FAM76A: variants seen among roughly 807,000 people sequenced by gnomAD.
The protein encoded by FAM76A is protein FAM76A.
A neutral mutation model predicts 46.2 loss-of-function variants in FAM76A; 32 were observed. The observed-to-expected ratio is 0.69, with a 90% CI of 0.52 to 0.93. The LOEUF is 0.93. Among genes scored for constraint, FAM76A ranks in the 40% least tolerant of loss-of-function variants. The pLI, the probability that FAM76A is intolerant of heterozygous loss-of-function variation, is 0.00. For synonymous variants in FAM76A, 137 were observed against 127.0 expected (o/e 1.08, Z -0.53); for missense variants, 274 against 361.5 (o/e 0.76, Z 1.96).
At chr1:27,736,761 T>A (rs2088052620) in intron 4 of FAM76A, among the ~76,000 whole-genome samples, 1 of 151,278 alleles carries the variant, frequency 6.6e-6, no homozygotes, top group African/African-American at 2.4e-5. Context: ...CTAATTTTTT[T>A]ATTTTTTTAT....
intron 7 of FAM76A, among the ~76,000 whole-genome samples, chr1:27,758,695 T>G (rs1378837410): frequency 1.7e-4 from 26 of 151,010 alleles, no homozygotes; most frequent in Admixed American, 1.5e-3. Flanking sequence ...TTTTTTTTTT[T>G]TTTTGTAGAC....
intron 6 of FAM76A, among the ~76,000 whole-genome samples, chr1:27,751,535 C>T: frequency 6.7e-6 from 1 of 149,116 alleles, no homozygotes; most frequent in East Asian, 2.0e-4. Context: ...GACAGGGTCT[C>T]ACCCTGTTGC....
chr1:27,759,281 A>G (rs547969269), intron 7 of FAM76A, among the ~76,000 whole-genome samples: 6 of 152,308 alleles, frequency 3.9e-5, no homozygotes, highest in African/African-American at 1.4e-4. Flanking sequence ...CAACATAGTA[A>G]AAGTTCAGTA....
intron 1 of FAM76A, 86 bp downstream of exon 1, chr1:27,726,247 G>A (rs2087856594): frequency 2.6e-6 from 3 of 1,163,026 alleles, no homozygotes; most frequent in Non-Finnish European, 3.2e-6. Context: ...GCCCGGCGGG[G>A]TCCCCGGAGC....
intron 5 of FAM76A, among the ~76,000 whole-genome samples, chr1:27,748,800 A>G (rs954044726): frequency 6.6e-6 from 1 of 151,982 alleles, no homozygotes; most frequent in Non-Finnish European, 1.5e-5. Context: ...AGTTTTATTG[A>G]TATTTGTTCT....
At position 27,762,157 on chromosome 1, in the gene FAM76A, A is replaced by C. The variant is rs11247681; in HGVS notation, c.*1576A>C. 2.0e-5 allele frequency: 3 copies of C among 151,918 alleles called. No homozygotes were observed. Among genetic ancestry groups the C allele is most frequent in the Non-Finnish European group, 2.9e-5 (2 of 68,024 alleles). The allele number at this position is 151,918 out of a possible 1,614,324, so 9.4% of individuals were successfully genotyped here. On this transcript the variant is annotated 3_prime_UTR_variant, in exon 9 of 9. Coordinates refer to ENST00000373954, the MANE Select transcript of FAM76A (RefSeq NM_152660.3). ...TTGAAAACAGGTGCTTCTCAGAAGCACTTTGCCTCAACCAGAGTTATGTAT... is the reference window on the plus strand; with the variant it reads ...TTGAAAACAGGTGCTTCTCAGAAGCCCTTTGCCTCAACCAGAGTTATGTAT...
chr1:27,759,473 T>C, intron 7 of FAM76A, 53 bp from the exon 8 acceptor site: 1 of 1,357,980 alleles, frequency 7.4e-7, no homozygotes, highest in Non-Finnish European at 1.0e-6. Flanking sequence ...TGAAAGCAAT[T>C]TTTTTTTATT....
At chr1:27,743,723 C>T (rs1166066725) in intron 4 of FAM76A, among the ~76,000 whole-genome samples, 6 of 151,924 alleles carry the variant, frequency 3.9e-5, no homozygotes, top group African/African-American at 1.5e-4. Flanking sequence ...TGAGATCATA[C>T]CACTGCTCTC....
intron 1 of FAM76A, 140 bp from the exon 2 acceptor site, chr1:27,727,332 A>G: frequency 1.5e-6 from 1 of 667,364 alleles, no homozygotes; most frequent in Non-Finnish European, 2.7e-6. Context: ...ATTACAGAGG[A>G]GAAAAATAAG....
At chr1:27,739,895 T>C (rs1028524982) in intron 4 of FAM76A, 3 of 192,798 alleles carry the variant, frequency 1.6e-5, no homozygotes, top group East Asian at 1.6e-4. Flanking sequence ...TGAGAAACCA[T>C]TGGGTTTTAA....
In FAM76A at chr1:27,727,633, C is replaced by T. The variant is rs528375997; in HGVS notation, c.146+97C>T. 5.5e-4 allele frequency: 481 copies of T among 878,748 alleles called. 8 individuals carry two copies. The South Asian group carries it at 6.6e-3, about 12-fold the overall frequency. The allele number at this position is 878,748 out of a possible 1,614,324, so 54.4% of individuals were successfully genotyped here. ...CATGTACAGATGCTATAATCAGTTG[C>T]ATTGTAAAATACAGATCTGTAATCA... On this transcript the variant is annotated intron_variant, in intron 2 of 8. Coordinates refer to ENST00000373954, the MANE Select transcript of FAM76A (RefSeq NM_152660.3).
chr1:27,741,125 T>C (rs944632857), intron 4 of FAM76A, among the ~76,000 whole-genome samples: 4 of 138,704 alleles, frequency 2.9e-5, no homozygotes, highest in African/African-American at 1.1e-4. Flanking sequence ...AGAGCGAAAC[T>C]CCGTCTCAAA....
intron 4 of FAM76A, chr1:27,739,061 A>T (rs1035536599): frequency 1.6e-5 from 4 of 249,740 alleles, no homozygotes; most frequent in Middle Eastern, 1.4e-3. Flanking sequence ...AACATAGGCC[A>T]TGAGGCACAC....
chr1:27,740,381 G>C, intron 4 of FAM76A: 1 of 1,281,176 alleles, frequency 7.8e-7, no homozygotes, highest in Non-Finnish European at 1.1e-6. Context: ...TGGAACCTGG[G>C]TTTGGAAGGC....
Position 27,759,608 on chromosome 1 carries a change from A to G in FAM76A, c.818A>G (p.Glu273Gly), listed in dbSNP as rs1470798960. The stretch of plus-strand genomic sequence containing the variant: ...AACCAGATGGAGAAAACCCACAAAG[A>G]AGTCACAGAACAACTGCAGGTGACT... Reference protein sequence around the residue: ...KMNQMEKTHKEVTEQLQAKNR... With the variant: ...KMNQMEKTHKGVTEQLQAKNR... Residue 273 changes from glutamate (E) to glycine (G), a missense_variant, in exon 8 of 9, where the codon GAA becomes GGA. Glu to Gly is a moderately conservative substitution (Grantham distance 98). Transcript: ENST00000373954. 1.9e-6 allele frequency: 3 copies of G among 1,613,438 alleles called. No homozygotes were observed. Among genetic ancestry groups the G allele is most frequent in the Non-Finnish European group, 2.5e-6 (3 of 1,179,690 alleles).
At chr1:27,758,503 A>G (rs1348527635) in intron 7 of FAM76A, among the ~76,000 whole-genome samples, 2 of 151,800 alleles carry the variant, frequency 1.3e-5, no homozygotes, top group Admixed American at 6.6e-5. Flanking sequence ...TTATTTATTT[A>G]TTATTTTTAT....
chr1:27,734,013 C>CT lies in FAM76A; in HGVS notation c.202-12dup. ...TTATGAAAGTAATACTTACTTGACT[C>CT]TTTTTTCCCCTTTTAAGCCCAAACC... On this transcript the variant is annotated splice_polypyrimidine_tract_variant and intron_variant, in intron 3 of 8. Coordinates refer to ENST00000373954, the MANE Select transcript of FAM76A (RefSeq NM_152660.3). The CT allele has an allele frequency of 1.3e-6, 2 of 1,597,706 alleles. No homozygotes were observed. Among genetic ancestry groups the CT allele is most frequent in the South Asian group, 1.1e-5 (1 of 87,326 alleles).
Position 27,757,845 on chromosome 1 carries a change from T to C in FAM76A, c.736-1681T>C, listed in dbSNP as rs566651266. On this transcript the variant is annotated intron_variant, in intron 7 of 8. Transcript: ENST00000373954. ...CAAAAAAATTAGCTGGGCGTGGTGG[T>C]GGGCGCCTGTAGTCCCAGCTACTCG... Among the ~76,000 whole-genome samples the C allele has an allele frequency of 2.0e-3, 300 of 151,956 alleles. 3 individuals are homozygous for C. The highest frequency in any genetic ancestry group is 9.8e-4 in the East Asian group (5 of 5,110).
At chr1:27,732,717 CT>C (rs1341531954) in intron 3 of FAM76A, 60 bp downstream of exon 3, 2 of 1,263,052 alleles carry the variant, frequency 1.6e-6, no homozygotes, top group Non-Finnish European at 2.3e-6. Flanking sequence ...ACCTTACCTT[CT>C]GTGGCCTACT....
Sources: allele counts gnomAD v4.1 joint callset (sites outside exome capture counted in the v4.1 genomes callset), GRCh38; gene constraint gnomAD v4.1.1; transcripts MANE v1.5; gene names NCBI Gene and HGNC (gene_info 2026-07-23, HGNC 2026-07-21).